The following CACNA2D3 variants were observed in gnomAD, a reference collection of about 807,000 sequenced individuals.
The protein encoded by CACNA2D3 is voltage-dependent calcium channel subunit alpha-2/delta-3.
In CACNA2D3, 60 loss-of-function variants were observed where a neutral mutation model predicts 160.6. The observed-to-expected ratio is 0.37, with a 90% CI of 0.30 to 0.46. The LOEUF (loss-of-function observed/expected upper bound fraction) is 0.46. CACNA2D3 is among the 20% of genes least tolerant of loss of function. CACNA2D3 has a pLI of 1.00. For synonymous variants in CACNA2D3, 558 were observed against 492.9 expected, an observed-to-expected ratio of 1.13 and a Z score of -1.75; for missense variants, 1,205 against 1,365.0, an observed-to-expected ratio of 0.88 and a Z score of 1.85.
intron 31 of CACNA2D3, among the ~76,000 whole-genome samples, chr3:54,988,158 A>T (rs761215879): frequency 6.6e-6 from 1 of 152,218 alleles, no homozygotes; most frequent in African/African-American, 2.4e-5. Context: ...TGGGGATGAA[A>T]GGTGGTATTT....
chr3:55,009,711 G>T (rs2107145217), intron 34 of CACNA2D3, among the ~76,000 whole-genome samples: 1 of 152,278 alleles, frequency 6.6e-6, no homozygotes, highest in South Asian at 2.1e-4. Context: ...CATTGCACAG[G>T]TAAATTCTTC....
chr3:54,511,315 A>G (rs1253533607), intron 5 of CACNA2D3, among the ~76,000 whole-genome samples: 1 of 148,114 alleles, frequency 6.8e-6, no homozygotes, highest in Non-Finnish European at 1.5e-5. Context: ...TTTTCACTGC[A>G]CTCTCCTCCC....
chr3:54,823,159 A>C (rs182273507), intron 14 of CACNA2D3, among the ~76,000 whole-genome samples: 2 of 151,878 alleles, frequency 1.3e-5, no homozygotes, highest in Admixed American at 1.3e-4. Flanking sequence ...CCAGCCTGCT[A>C]TTTGCATTTC....
chr3:55,049,272 G>T (rs1704133646), intron 35 of CACNA2D3, among the ~76,000 whole-genome samples: 1 of 147,722 alleles, frequency 6.8e-6, no homozygotes, highest in Non-Finnish European at 1.5e-5. Context: ...ACACTGCTTT[G>T]AATGCGTCCC....
intron 27 of CACNA2D3, among the ~76,000 whole-genome samples, chr3:54,957,062 G>A (rs951987884): frequency 2.6e-5 from 4 of 152,044 alleles, no homozygotes; most frequent in African/African-American, 9.7e-5. Flanking sequence ...GCAGACACCT[G>A]GCACATACTA....
intron 6 of CACNA2D3, among the ~76,000 whole-genome samples, chr3:54,564,107 C>G (rs1321068733): frequency 6.6e-6 from 1 of 152,194 alleles, no homozygotes; most frequent in African/African-American, 2.4e-5. Flanking sequence ...TTGCTGAAAT[C>G]AGAGCCTAGG....
intron 35 of CACNA2D3, among the ~76,000 whole-genome samples, chr3:55,070,616 G>A (rs1704782063): frequency 6.6e-6 from 1 of 152,148 alleles, no homozygotes; most frequent in Non-Finnish European, 1.5e-5. Flanking sequence ...GGACAAGGGG[G>A]AAGACAATGT....
chr3:54,752,868 T>A (rs1184630280), intron 12 of CACNA2D3, among the ~76,000 whole-genome samples, 191 bp downstream of exon 12: 9 of 128,050 alleles, frequency 7.0e-5, no homozygotes, highest in African/African-American at 7.7e-5. Flanking sequence ...TTTTTTTTTA[T>A]TTTTTTTTTG....
chr3:54,464,525 A>G (rs1255993653), intron 4 of CACNA2D3, among the ~76,000 whole-genome samples: 8 of 152,184 alleles, frequency 5.3e-5, no homozygotes, highest in African/African-American at 1.7e-4. Flanking sequence ...GTTTGATCTC[A>G]GAGTGCTGTG....
intron 35 of CACNA2D3, among the ~76,000 whole-genome samples, chr3:55,065,765 G>GA (rs199881643): frequency 7.3e-5 from 11 of 150,522 alleles, no homozygotes; most frequent in Admixed American, 4.6e-4. Context: ...GGAAACGAAA[G>GA]AAAAAAAAAT....
In CACNA2D3 at chr3:54,734,471, G is replaced by A. The variant is rs1013934156; in HGVS notation, c.1168-18128G>A. Among the ~76,000 whole-genome samples the A allele has an allele frequency of 7.9e-5, 12 of 152,236 alleles. 1 individual carries two copies. Among genetic ancestry groups the A allele is most frequent in the Admixed American group, 7.8e-4 (12 of 15,292 alleles). ...AGGAGGCCAGAATAATATAAAAAGGGCAAAGATGTGGGGAAAAGATGAAAA... is the reference window on the plus strand; with the variant it reads ...AGGAGGCCAGAATAATATAAAAAGGACAAAGATGTGGGGAAAAGATGAAAA... On this transcript the variant is annotated intron_variant, in intron 11 of 37. Transcript: ENST00000474759.
At chr3:54,616,446 A>G (rs1698852276) in intron 9 of CACNA2D3, among the ~76,000 whole-genome samples, 1 of 152,212 alleles carries the variant, frequency 6.6e-6, no homozygotes, top group African/African-American at 2.4e-5. Flanking sequence ...AGCAACTGTG[A>G]TAGAAGCCAT....
At chr3:54,742,402 AG>A (rs1701670117) in intron 11 of CACNA2D3, among the ~76,000 whole-genome samples, 2 of 152,148 alleles carry the variant, frequency 1.3e-5, no homozygotes, top group African/African-American at 2.4e-5. Flanking sequence ...TGGGTGGCAG[AG>A]TGAGACTGTG....
chr3:54,384,455 A>G (rs1424676386), intron 3 of CACNA2D3, among the ~76,000 whole-genome samples: 5 of 152,164 alleles, frequency 3.3e-5, no homozygotes, highest in Non-Finnish European at 7.4e-5. Flanking sequence ...TTCTTTTTAT[A>G]TATCACTGCC....
At chr3:54,199,503 C>T (rs1011295874) in intron 2 of CACNA2D3, among the ~76,000 whole-genome samples, 3 of 151,976 alleles carry the variant, frequency 2.0e-5, no homozygotes, top group Non-Finnish European at 1.5e-5. Flanking sequence ...ACCACAGGCA[C>T]GTGCTACCCG....
At chr3:54,809,930 A>C (rs772521380) in intron 13 of CACNA2D3, among the ~76,000 whole-genome samples, 1 of 152,206 alleles carries the variant, frequency 6.6e-6, no homozygotes, top group Non-Finnish European at 1.5e-5. Flanking sequence ...CAAAAAACCT[A>C]AACAAGTAAA....
intron 2 of CACNA2D3, among the ~76,000 whole-genome samples, chr3:54,163,579 C>T (rs900213602): frequency 6.6e-6 from 1 of 152,116 alleles, no homozygotes; most frequent in African/African-American, 2.4e-5. Flanking sequence ...CTGATAGCAG[C>T]GGAGTGGGGG....
At chr3:54,290,952 A>G (rs1703183989) in intron 2 of CACNA2D3, among the ~76,000 whole-genome samples, 1 of 152,206 alleles carries the variant, frequency 6.6e-6, no homozygotes, top group African/African-American at 2.4e-5. Context: ...GATATACCTA[A>G]TGCTAAATGA....
In CACNA2D3 at chr3:54,127,201, G is replaced by A. The variant is rs929514491; in HGVS notation, c.204+3607G>A. On this transcript the variant is annotated intron_variant, in intron 2 of 37. Coordinates refer to ENST00000474759, the MANE Select transcript of CACNA2D3 (RefSeq NM_018398.3). ...AGAATCATGATGATAAATACACAAC[G>A]GAAATACAGGTAATGTGTGTCTCTG... Among the ~76,000 whole-genome samples, 14 of 152,180 alleles carry A rather than the reference G, an allele frequency of 9.2e-5. No homozygotes were observed. In the South Asian group the frequency reaches 1.0e-3, roughly 11 times the overall value.
Sources: gnomAD v4.1 joint callset for allele counts (sites outside exome capture counted in the v4.1 genomes callset) on GRCh38, gnomAD v4.1.1 for gene constraint, MANE v1.5 for transcripts, NCBI Gene and HGNC (gene_info 2026-07-23, HGNC 2026-07-21) for gene names.